KLK3: variants seen among roughly 807,000 people sequenced by gnomAD.
KLK3 encodes prostate-specific antigen.
A neutral mutation model predicts 27.7 loss-of-function variants in KLK3; 23 were observed. The ratio of observed to expected loss-of-function variants is 0.83; its 90% confidence interval spans 0.60 to 1.17. The LOEUF is 1.17. Ranked by LOEUF, KLK3 falls within the 50% of genes most tolerant of loss-of-function variation. The pLI, the probability that KLK3 is intolerant of heterozygous loss-of-function variation, is 0.00. For synonymous variants in KLK3, 142 were observed against 134.2 expected (o/e 1.06, Z -0.40); for missense variants, 322 against 338.1 (o/e 0.95, Z 0.37).
intron 1 of KLK3, 145 bp from the exon 2 acceptor site, chr19:50,856,095 T>TC: frequency 3.0e-6 from 2 of 667,988 alleles, no homozygotes; most frequent in Non-Finnish European, 5.1e-6. Context: ...CTTTCCCAGC[T>TC]CCCCCTGCCC....
intron 2 of KLK3, chr19:50,857,791 CT>C: frequency 1.9e-6 from 1 of 520,012 alleles, no homozygotes; most frequent in Admixed American, 3.5e-5. Context: ...TCTCTCTGTC[CT>C]TTTACCCTCT....
At chr19:50,855,090 C>A (rs763108377) in intron 1 of KLK3, 89 bp downstream of exon 1, 113 of 1,345,592 alleles carry the variant, frequency 8.4e-5, no homozygotes, top group Non-Finnish European at 1.1e-4. Flanking sequence ...CCCAGCACCC[C>A]AGCCCAGACA....
chr19:50,859,532 G>A (rs2090171128), intron 4 of KLK3: 3 of 1,612,386 alleles, frequency 1.9e-6, no homozygotes, highest in South Asian at 2.2e-5. Flanking sequence ...ACCCACAGTG[G>A]GTCATTCTGA....
chr19:50,858,782 T>G, intron 4 of KLK3, 187 bp downstream of exon 4: 1 of 654,416 alleles, frequency 1.5e-6, no homozygotes, highest in Non-Finnish European at 2.6e-6. Flanking sequence ...AATAGGTTAT[T>G]CTTACAGCAC....
At chr19:50,858,745 T>G in intron 4 of KLK3, 150 bp downstream of exon 4, 1 of 782,594 alleles carries the variant, frequency 1.3e-6, no homozygotes, top group Non-Finnish European at 2.1e-6. Context: ...CATTCCCTCC[T>G]TCCCTCTTCT....
intron 1 of KLK3, chr19:50,855,974 G>A (rs2090144171): frequency 2.5e-6 from 1 of 398,698 alleles, no homozygotes; most frequent in Non-Finnish European, 4.5e-6. Context: ...GCGCTGTCTT[G>A]TGTCTCCTAC....
chr19:50,860,201 AGTTCTACTGACCTTT>A lies in KLK3; in HGVS notation c.*77_*91del. The A allele has an allele frequency of 8.6e-7, 1 of 1,158,028 alleles. No homozygotes were observed. The highest frequency in any genetic ancestry group is 1.3e-6 in the Non-Finnish European group (1 of 789,852). 71.7% of individuals were successfully genotyped at this position (1,158,028 alleles called of 1,614,324 possible). On this transcript the variant is annotated 3_prime_UTR_variant, in exon 5 of 5. Transcript: ENST00000326003. ...ACCAGGCCAAGACTCAAGCCTCCCC[AGTTCTACTGACCTTT>A]GTCCTTAGGTGTGAGGTCCAGGGTT...
intron 2 of KLK3, among the ~76,000 whole-genome samples, chr19:50,857,162 C>CAAAAAAAAAAAAAAAA (rs560911495): frequency 1.3e-4 from 6 of 46,408 alleles, no homozygotes; most frequent in Non-Finnish European, 2.1e-4. Flanking sequence ...GACTCCGCCT[C>CAAAAAAAAAAAAAAAA]AAAAAAAAAA....
Position 50,860,386 on chromosome 19 carries a change from T to A in KLK3, c.*259T>A, listed in dbSNP as rs930013451. On this transcript the variant is annotated 3_prime_UTR_variant, in exon 5 of 5. Transcript: ENST00000326003. ...CTCTGAGGACACAGATAGGATGGGG[T>A]GTCTGTGTTATTTGTGGGGTACAGA... 4.1e-5 allele frequency: 15 copies of A among 368,960 alleles called. No individual in the cohort carries two copies. Among genetic ancestry groups the A allele is most frequent in the Non-Finnish European group, 6.9e-5 (14 of 201,972 alleles). 22.9% of individuals were successfully genotyped at this position (368,960 alleles called of 1,614,324 possible).
At chr19:50,858,616 A>G in intron 4 of KLK3, 21 bp downstream of exon 4, 2 of 1,613,826 alleles carry the variant, frequency 1.2e-6, no homozygotes, top group South Asian at 2.2e-5. Context: ...CCTACTCCCA[A>G]GATCTTGAGG....
At position 50,858,012 on chromosome 19, in the gene KLK3, G is replaced by T; in HGVS notation, c.207-17G>T. The T allele has an allele frequency of 6.3e-7, 1 of 1,594,006 alleles. No homozygotes were observed. ...TATCATCCTCGCTCCTCATTCCTGC[G>T]TCTGCTTCCTCCCCAGCAAAAGCGT... On this transcript the variant is annotated splice_polypyrimidine_tract_variant and intron_variant, in intron 2 of 4. Coordinates refer to ENST00000326003, the MANE Select transcript of KLK3 (RefSeq NM_001648.2).
chr19:50,856,157 C>T (rs1440028686), intron 1 of KLK3, 83 bp from the exon 2 acceptor site: 1 of 1,302,826 alleles, frequency 7.7e-7, no homozygotes, highest in African/African-American at 1.5e-5. Flanking sequence ...TTTTCAAACC[C>T]ACATCCTAAA....
At position 50,858,493 on chromosome 19, in the gene KLK3, C is replaced by G. The variant is rs148735869; in HGVS notation, c.528C>G (p.Leu176=). 2.0e-5 allele frequency: 33 copies of G among 1,614,154 alleles called. No homozygotes were observed. The African/African-American group carries it at 4.1e-4, about 20-fold the overall frequency. ...LTPKKLQCVD[L]HVISNDVCAQ... ...CAAAGAAACTTCAGTGTGTGGACCT[C>G]CATGTTATTTCCAATGACGTGTGTG... is the stretch of plus-strand genomic sequence containing the variant. The change falls in exon 4 of 5, where the codon CTC becomes CTG. Residue 176 remains leucine, a synonymous_variant. Transcript: ENST00000326003.
chr19:50,860,316 G>T lies in KLK3; in HGVS notation c.*189G>T. On this transcript the variant is annotated 3_prime_UTR_variant, in exon 5 of 5. Coordinates refer to ENST00000326003, the MANE Select transcript of KLK3 (RefSeq NM_001648.2). Reference sequence around the variant, plus strand: ...AATGGTGTAATTTTGTCCTCTCTGTGTCCTGGGGAATACTGGCCATGCCTG... The same window carrying T: ...AATGGTGTAATTTTGTCCTCTCTGTTTCCTGGGGAATACTGGCCATGCCTG... 1.9e-6 allele frequency: 1 copy of T among 514,656 alleles called. No individual in the cohort carries two copies. Among genetic ancestry groups the T allele is most frequent in the Non-Finnish European group, 3.5e-6 (1 of 284,580 alleles). 31.9% of individuals were successfully genotyped at this position (514,656 alleles called of 1,614,324 possible). A position where few individuals can be genotyped will look rare whatever the true frequency, so the allele number is the denominator to read the frequency against.
rs2090163185 is a variant in KLK3 at position 50,858,452 on chromosome 19, C to T, written c.494-7C>T. 6 of 1,614,100 alleles carry T rather than the reference C, an allele frequency of 3.7e-6. No homozygotes were observed. The highest frequency in any genetic ancestry group is 4.2e-6 in the Non-Finnish European group (5 of 1,179,968). ...AGCCCACAACAGTGTTTTTGCCTGG[C>T]CCGTAGTCTTGACCCCAAAGAAACT... On this transcript the variant is annotated splice_polypyrimidine_tract_variant and splice_region_variant and intron_variant, in intron 3 of 4. Transcript: ENST00000326003.
intron 3 of KLK3, 55 bp downstream of exon 3, chr19:50,858,370 G>A (rs2123460251): frequency 1.2e-6 from 2 of 1,603,268 alleles, no homozygotes; most frequent in Non-Finnish European, 8.5e-7. Flanking sequence ...GTCTGAGGGA[G>A]GAGGGGACAG....
chr19:50,857,267 C>T (rs1409228309), intron 2 of KLK3: 1 of 152,072 alleles, frequency 6.6e-6, no homozygotes, highest in Non-Finnish European at 1.5e-5. Flanking sequence ...TCACTCCATT[C>T]CTTCTCCAGG....
chr19:50,860,179 A>G lies in KLK3; in HGVS notation c.*52A>G. On this transcript the variant is annotated 3_prime_UTR_variant, in exon 5 of 5. Transcript: ENST00000326003. ...TAAACTTGGAACCTTGGAAATGACC[A>G]GGCCAAGACTCAAGCCTCCCCAGTT... 1 of 1,433,058 alleles carries G rather than the reference A, an allele frequency of 7.0e-7. No individual in the cohort carries two copies. Among genetic ancestry groups the G allele is most frequent in the East Asian group, 2.3e-5 (1 of 43,626 alleles). 88.8% of individuals were successfully genotyped at this position (1,433,058 alleles called of 1,614,324 possible).
chr19:50,856,331 C>T lies in KLK3; in HGVS notation c.138C>T (p.Gly46=). Residue 46 remains glycine, a synonymous_variant, in exon 2 of 5, where the codon GGC becomes GGT. Coordinates refer to ENST00000326003, the MANE Select transcript of KLK3 (RefSeq NM_001648.2). ...QPWQVLVASR[G]RAVCGGVLVH... The stretch of plus-strand genomic sequence containing the variant: ...GGCAGGTGCTTGTGGCCTCTCGTGG[C>T]AGGGCAGTCTGCGGCGGTGTTCTGG... 1 of 1,613,690 alleles carries T rather than the reference C, an allele frequency of 6.2e-7. No homozygotes were observed. Among genetic ancestry groups the T allele is most frequent in the Non-Finnish European group, 8.5e-7 (1 of 1,179,960 alleles).
Sources: allele counts gnomAD v4.1 joint callset (sites outside exome capture counted in the v4.1 genomes callset), GRCh38; gene constraint gnomAD v4.1.1; transcripts MANE v1.5; gene names NCBI Gene and HGNC (gene_info 2026-07-23, HGNC 2026-07-21).